PCDH15: variants seen among roughly 807,000 people sequenced by gnomAD.
PCDH15 encodes protocadherin-15.
A neutral mutation model predicts 178.5 loss-of-function variants in PCDH15; 129 were observed. That is an observed-to-expected ratio of 0.72 (90% CI 0.63 to 0.84). The LOEUF is 0.84. Among genes scored for constraint, PCDH15 ranks in the 40% least tolerant of loss-of-function variants. The pLI is 0.00. For synonymous variants in PCDH15, 800 were observed against 732.0 expected, an observed-to-expected ratio of 1.09 and a Z score of -1.50; for missense variants, 2,230 against 2,099.9, an observed-to-expected ratio of 1.06 and a Z score of -1.21.
intron 2 of PCDH15, among the ~76,000 whole-genome samples, chr10:54,563,889 G>GA (rs963464941): frequency 2.0e-5 from 3 of 151,992 alleles, no homozygotes; most frequent in Non-Finnish European, 4.4e-5. Flanking sequence ...CAGTGTTGAA[G>GA]AAAAAAACAA....
At chr10:55,355,403 T>C (rs1463515964) in intron 2 of PCDH15, among the ~76,000 whole-genome samples, 1 of 151,910 alleles carries the variant, frequency 6.6e-6, no homozygotes, top group African/African-American at 2.4e-5. Context: ...CAGCATTTGG[T>C]GTTGTAGTTT....
At chr10:54,909,098 C>T (rs1300151145) in intron 2 of PCDH15, among the ~76,000 whole-genome samples, 1 of 152,170 alleles carries the variant, frequency 6.6e-6, no homozygotes, top group Non-Finnish European at 1.5e-5. Flanking sequence ...GAGCCCAGGG[C>T]TTTTGTGGGC....
At chr10:54,472,018 T>C (rs1589592407) in intron 3 of PCDH15, among the ~76,000 whole-genome samples, 1 of 152,252 alleles carries the variant, frequency 6.6e-6, no homozygotes, top group East Asian at 1.9e-4. Context: ...AGTGCAATCA[T>C]GTGGGTCACC....
chr10:54,251,491 C>T lies in PCDH15; in HGVS notation c.877-14560G>A, dbSNP rs191877326. On this transcript the variant is annotated intron_variant, in intron 8 of 37. Transcript: ENST00000644397. ...CGTTGCTTTATTCTCCTAGTCAGTT[C>T]GTCTGTAGTCTGGAAGATTTTTCAA... is the stretch of plus-strand genomic sequence containing the variant. Among the ~76,000 whole-genome samples the T allele has an allele frequency of 2.5e-3, 386 of 152,178 alleles. 1 individual carries two copies. The highest frequency in any genetic ancestry group is 8.9e-3 in the African/African-American group (368 of 41,520).
chr10:53,926,110 T>C (rs1259685930), intron 25 of PCDH15, among the ~76,000 whole-genome samples: 3 of 152,216 alleles, frequency 2.0e-5, no homozygotes, highest in Non-Finnish European at 4.4e-5. Flanking sequence ...TCCTACCAAC[T>C]TCTCTTTTGC....
chr10:55,605,247 A>G (rs1437032590), intron 2 of PCDH15, among the ~76,000 whole-genome samples: 1 of 152,136 alleles, frequency 6.6e-6, no homozygotes, highest in Non-Finnish European at 1.5e-5. Flanking sequence ...AATTGTGGCA[A>G]TAATCAATAG....
At chr10:54,018,812 T>C (rs1172857756) in intron 20 of PCDH15, among the ~76,000 whole-genome samples, 1 of 151,190 alleles carries the variant, frequency 6.6e-6, no homozygotes, top group African/African-American at 2.5e-5. Context: ...ATAGATTTCA[T>C]TGTTTTTTAA....
At chr10:54,692,669 C>T (rs1360906194) in intron 1 of PCDH15, among the ~76,000 whole-genome samples, 1 of 13,964 alleles carries the variant, frequency 7.2e-5, no homozygotes, top group Non-Finnish European at 1.8e-4. Flanking sequence ...TATCCTTAAG[C>T]CATTCTTAAA....
chr10:55,283,840 G>A (rs867846069), intron 1 of PCDH15, among the ~76,000 whole-genome samples: 4 of 152,170 alleles, frequency 2.6e-5, no homozygotes, highest in Admixed American at 6.6e-5. Flanking sequence ...TGGAAACTAA[G>A]TGGAAAAAGA....
At chr10:53,828,685 T>A in intron 30 of PCDH15, 112 bp from the exon 31 acceptor site, 3 of 926,116 alleles carry the variant, frequency 3.2e-6, no homozygotes, top group Non-Finnish European at 3.4e-6. Flanking sequence ...TACGTTAAAT[T>A]CATAATGACA....
intron 1 of PCDH15, among the ~76,000 whole-genome samples, chr10:54,756,097 A>ACACACACACTCACACAC (rs1555182911): frequency 1.4e-5 from 2 of 144,510 alleles, no homozygotes; most frequent in South Asian, 2.2e-4. Flanking sequence ...ACACACACAC[A>ACACACACACTCACACAC]AAATTAGCTG....
chr10:55,135,027 C>T (rs1399269723), intron 2 of PCDH15, among the ~76,000 whole-genome samples: 4 of 152,082 alleles, frequency 2.6e-5, no homozygotes, highest in Non-Finnish European at 4.4e-5. Context: ...TTTATGTGAT[C>T]ACTCCTATAT....
intron 2 of PCDH15, among the ~76,000 whole-genome samples, chr10:55,512,354 T>C (rs187795592): frequency 9.9e-5 from 15 of 152,200 alleles, no homozygotes; most frequent in East Asian, 7.7e-4. Context: ...ATTTTGTTAT[T>C]CTAGGGTGTC....
intron 3 of PCDH15, among the ~76,000 whole-genome samples, chr10:54,821,466 TAAG>T (rs1768595442): frequency 1.3e-5 from 2 of 151,896 alleles, no homozygotes; most frequent in African/African-American, 4.8e-5. Context: ...ATATTTAAAA[TAAG>T]AAAACAAATC....
intron 9 of PCDH15, among the ~76,000 whole-genome samples, chr10:54,222,859 C>A (rs2053001455): frequency 6.6e-6 from 1 of 152,310 alleles, no homozygotes; most frequent in African/African-American, 2.4e-5. Flanking sequence ...ATTCCCCAAA[C>A]AAGTCACTTG....
intron 2 of PCDH15, among the ~76,000 whole-genome samples, chr10:55,572,295 A>C (rs889264181): frequency 1.3e-5 from 2 of 149,752 alleles, no homozygotes; most frequent in African/African-American, 4.9e-5. Context: ...TTTATATTAG[A>C]GTATATAAAG....
intron 2 of PCDH15, chr10:55,512,986 TG>T: frequency 6.6e-6 from 1 of 152,260 alleles, no homozygotes; most frequent in Admixed American, 6.6e-5. Flanking sequence ...CTGTGTATAT[TG>T]GCTTCATTTG....
chr10:54,312,357 G>T (rs1342444495), intron 8 of PCDH15, among the ~76,000 whole-genome samples: 1 of 151,914 alleles, frequency 6.6e-6, no homozygotes, highest in Non-Finnish European at 1.5e-5. Context: ...CAGTACTAAG[G>T]ATGATTTTAT....
At chr10:55,095,568 T>G (rs1460330209) in intron 2 of PCDH15, among the ~76,000 whole-genome samples, 1 of 152,068 alleles carries the variant, frequency 6.6e-6, no homozygotes, top group African/African-American at 2.4e-5. Flanking sequence ...GTTGCAAGTT[T>G]AGATATTGTA....
Sources: allele counts gnomAD v4.1 joint callset (sites outside exome capture counted in the v4.1 genomes callset), GRCh38; gene constraint gnomAD v4.1.1; transcripts MANE v1.5; gene names NCBI Gene and HGNC (gene_info 2026-07-23, HGNC 2026-07-21).